Variants in COL27A1 observed in about 807,000 individuals in gnomAD.
COL27A1 encodes the protein collagen type XXVII alpha 1 chain.
In COL27A1, 106 loss-of-function variants were observed where a neutral mutation model predicts 251.3. That is an observed-to-expected ratio of 0.42 (90% CI 0.36 to 0.50). COL27A1 has a LOEUF of 0.50. Among genes scored for constraint, COL27A1 ranks in the 20% least tolerant of loss-of-function variants. COL27A1 has a pLI of 0.00. For missense variants in COL27A1, 2,325 were observed against 2,522.8 expected, an observed-to-expected ratio of 0.92 and a Z score of 1.68; for synonymous variants, 1,000 against 986.3, an observed-to-expected ratio of 1.01 and a Z score of -0.26.
chr9:114,174,899 C>G (rs1022433408), intron 3 of COL27A1, among the ~76,000 whole-genome samples: 1 of 152,174 alleles, frequency 6.6e-6, no homozygotes, highest in African/African-American at 2.4e-5. Context: ...TTGAGGCCCC[C>G]TATCTACCCC....
At chr9:114,284,838 A>G (rs1381181291) in intron 41 of COL27A1, 61 bp downstream of exon 41, 2 of 1,575,560 alleles carry the variant, frequency 1.3e-6, no homozygotes, top group Non-Finnish European at 1.7e-6. Context: ...GGTCAGCTTC[A>G]GGGCCAGCAG....
At chr9:114,188,201 A>C (rs1175810215) in intron 5 of COL27A1, among the ~76,000 whole-genome samples, 3 of 152,228 alleles carry the variant, frequency 2.0e-5, no homozygotes, top group Non-Finnish European at 2.9e-5. Context: ...CCCACCTTTA[A>C]TTATATGCAA....
rs116186465 is a variant in COL27A1 at position 114,284,928 on chromosome 9, C to T, written c.3987+151C>T. On this transcript the variant is annotated intron_variant, in intron 41 of 60. Coordinates refer to ENST00000356083, the MANE Select transcript of COL27A1 (RefSeq NM_032888.4). ...GCAGCAGCCGAGGCTGGTGTCACTG[C>T]CACTGTGCCCAGCCCGCAGGAGCTG... 5.3e-3 allele frequency: 4,090 copies of T among 768,094 alleles called. 112 individuals are homozygous for T. In the African/African-American group the frequency reaches 0.062, roughly 12 times the overall value. 47.6% of individuals were successfully genotyped at this position (768,094 alleles called of 1,614,324 possible). A position where few individuals can be genotyped will look rare whatever the true frequency, so the allele number is the denominator to read the frequency against.
At chr9:114,218,991 T>C (rs901819441) in intron 12 of COL27A1, among the ~76,000 whole-genome samples, 2 of 151,196 alleles carry the variant, frequency 1.3e-5, no homozygotes, top group Non-Finnish European at 2.9e-5. Flanking sequence ...GGAAAAACAA[T>C]GATTTGAATT....
At chr9:114,227,443 C>G (rs1457668624) in intron 14 of COL27A1, among the ~76,000 whole-genome samples, 1 of 151,444 alleles carries the variant, frequency 6.6e-6, no homozygotes, top group East Asian at 1.9e-4. Context: ...ATTGCTCGAT[C>G]TCAGGCAGGT....
At chr9:114,299,591 A>G (rs1332947849) in intron 49 of COL27A1, among the ~76,000 whole-genome samples, 1 of 152,210 alleles carries the variant, frequency 6.6e-6, no homozygotes, top group Non-Finnish European at 1.5e-5. Flanking sequence ...CTGTTTCCTC[A>G]TCTGTAAACA....
rs144390455 is a variant in COL27A1, at chr9:114,270,050, G to A, written c.3556-678G>A. On this transcript the variant is annotated intron_variant, in intron 35 of 60. Transcript: ENST00000356083. ...GGACTCTGTTCTTGCTGTCATTCCC[G>A]AGCTTGCTGGGAAGAAAAGTCGAAA... Among the ~76,000 whole-genome samples, 184 of 152,330 alleles carry A rather than the reference G, an allele frequency of 1.2e-3. 1 individual carries two copies. The highest frequency in any genetic ancestry group is 5.8e-3 in the East Asian group (30 of 5,190).
At chr9:114,157,093 CA>C (rs1848171542) in intron 1 of COL27A1, among the ~76,000 whole-genome samples, 1 of 130,282 alleles carries the variant, frequency 7.7e-6, no homozygotes, top group African/African-American at 2.6e-5. Context: ...CACACACACA[CA>C]CACACACACA....
intron 57 of COL27A1, 93 bp downstream of exon 57, chr9:114,304,766 CT>C: frequency 1.2e-5 from 13 of 1,073,896 alleles, no homozygotes; most frequent in Non-Finnish European, 1.8e-5. Flanking sequence ...TCCATGTGGC[CT>C]GCATGGAGCA....
chr9:114,171,994 C>T (rs908424881), intron 3 of COL27A1, among the ~76,000 whole-genome samples: 1 of 152,112 alleles, frequency 6.6e-6, no homozygotes, highest in Admixed American at 6.5e-5. Flanking sequence ...TGACTTCTGG[C>T]CAGGGCTGAG....
chr9:114,289,199 A>G (rs1258320043), intron 44 of COL27A1, 43 bp from the exon 45 acceptor site: 1 of 1,457,694 alleles, frequency 6.9e-7, no homozygotes, highest in African/African-American at 1.4e-5. Context: ...TCCCCGGGAG[A>G]GAATCCTGGG....
intron 4 of COL27A1, 78 bp from the exon 5 acceptor site, chr9:114,182,944 G>T: frequency 8.2e-7 from 1 of 1,219,618 alleles, no homozygotes; most frequent in Non-Finnish European, 1.2e-6. Context: ...GAGGGAAGGT[G>T]CCAGGCATTG....
At chr9:114,192,419 G>A (rs534061380) in intron 5 of COL27A1, among the ~76,000 whole-genome samples, 42 of 152,194 alleles carry the variant, frequency 2.8e-4, no homozygotes, top group Non-Finnish European at 4.0e-4. Flanking sequence ...GAGGGTGTCC[G>A]GGAGGAGCAG....
rs753059506 is a variant in COL27A1 at position 114,300,082 on chromosome 9, G to A, written c.4597G>A (p.Glu1533Lys). 2.1e-5 allele frequency: 34 copies of A among 1,614,064 alleles called. No individual in the cohort carries two copies. Among genetic ancestry groups the A allele is most frequent in the African/African-American group, 4.0e-5 (3 of 74,948 alleles). Residue 1533 changes from glutamate (E) to lysine (K), a missense_variant, in exon 50 of 61, where the codon GAG (glutamate) becomes AAG (lysine). Glu to Lys is a moderately conservative substitution (Grantham distance 56). Around this residue, in one of 4 missense-constraint regions of COL27A1, gnomAD observed 327 missense variants for 442.8 expected, o/e 0.74. Coordinates refer to ENST00000356083, the MANE Select transcript of COL27A1 (RefSeq NM_032888.4). Reference sequence around the variant, plus strand: ...GTTCTTCCTGCAGGGCGACTCTGGCGAGATGGGCTTCCCAGGAATGGCAGG... The same window carrying A: ...GTTCTTCCTGCAGGGCGACTCTGGCAAGATGGGCTTCCCAGGAATGGCAGG... ...GSKGQPGDSG[E>K]MGFPGMAGLF...
At chr9:114,155,304 T>A (rs185765522), upstream of COL27A1, among the ~76,000 whole-genome samples, 2 of 151,930 alleles carry the variant, frequency 1.3e-5, no homozygotes, top group East Asian at 3.9e-4. This position sits in a 1 kb window ranked among gnomAD's most constrained non-coding sequence, Gnocchi z 5.5. Context: ...CAAATCACCG[T>A]GAAGCCCTGG....
intron 41 of COL27A1, among the ~76,000 whole-genome samples, chr9:114,288,014 C>T (rs527387748): frequency 1.3e-5 from 2 of 152,288 alleles, no homozygotes; most frequent in South Asian, 2.1e-4. Flanking sequence ...CCGGGCGTCG[C>T]GCATCATTCC....
At chr9:114,299,626 G>A (rs1190495788) in intron 49 of COL27A1, among the ~76,000 whole-genome samples, 1 of 152,228 alleles carries the variant, frequency 6.6e-6, no homozygotes, top group Non-Finnish European at 1.5e-5. Context: ...TCCCTGGGTT[G>A]ATGTGGGAGC....
At chr9:114,198,625 C>T (rs998461546) in intron 7 of COL27A1, among the ~76,000 whole-genome samples, 1 of 152,210 alleles carries the variant, frequency 6.6e-6, no homozygotes, top group African/African-American at 2.4e-5. Flanking sequence ...ACCCTCAGGC[C>T]CTTTCTGTCA....
At chr9:114,242,994 A>G (rs998235906) in intron 22 of COL27A1, among the ~76,000 whole-genome samples, 1 of 152,152 alleles carries the variant, frequency 6.6e-6, no homozygotes, top group Non-Finnish European at 1.5e-5. Context: ...TCTGCATTCA[A>G]TCCACTGACA....
Sources: gnomAD v4.1 joint callset for allele counts (sites outside exome capture counted in the v4.1 genomes callset) on GRCh38, gnomAD v4.1.1 for gene constraint, gnomAD v4.1.1 regional missense constraint, Gnocchi (gnomAD v3.1) non-coding constraint, MANE v1.5 for transcripts, NCBI Gene and HGNC (gene_info 2026-07-23, HGNC 2026-07-21) for gene names.